The following TMTC2 variants were observed in gnomAD, a reference collection of about 807,000 sequenced individuals.
TMTC2 encodes the protein transmembrane O-mannosyltransferase targeting cadherins 2.
TMTC2 carries 43 observed loss-of-function variants against 82.4 expected under a neutral mutation model. The ratio of observed to expected loss-of-function variants is 0.52; its 90% CI spans 0.41 to 0.67. TMTC2 has a LOEUF of 0.67. Ranked by LOEUF, TMTC2 falls within the 30% of genes least tolerant of loss-of-function variation. TMTC2 has a pLI of 0.00. For synonymous variants in TMTC2, 408 were observed against 381.9 expected (o/e 1.07, Z -0.80); for missense variants, 919 against 1,012.4 (o/e 0.91, Z 1.25).
chr12:82,938,897 T>C (rs973229576), intron 4 of TMTC2, among the ~76,000 whole-genome samples: 1 of 152,206 alleles, frequency 6.6e-6, no homozygotes, highest in African/African-American at 2.4e-5. Flanking sequence ...TACTACGTTT[T>C]TGGTAAGCAT....
chr12:82,855,077 A>G (rs1330412670), intron 1 of TMTC2, among the ~76,000 whole-genome samples: 6 of 152,234 alleles, frequency 3.9e-5, no homozygotes, highest in African/African-American at 1.2e-4. Flanking sequence ...ATGAACAATT[A>G]TACATGTTTA....
At chr12:83,014,662 C>A (rs1166387558) in intron 8 of TMTC2, among the ~76,000 whole-genome samples, 1 of 152,106 alleles carries the variant, frequency 6.6e-6, no homozygotes, top group East Asian at 1.9e-4. Flanking sequence ...ACTAAAATAA[C>A]CATGTACATC....
chr12:83,055,226 G>A (rs1348255975), intron 10 of TMTC2, among the ~76,000 whole-genome samples: 7 of 152,034 alleles, frequency 4.6e-5, no homozygotes, highest in Admixed American at 2.6e-4. Context: ...ACTGAGTCCT[G>A]TGCTAAACGA....
intron 11 of TMTC2, among the ~76,000 whole-genome samples, chr12:83,074,980 C>G (rs985962052): frequency 4.6e-5 from 7 of 152,202 alleles, no homozygotes; most frequent in African/African-American, 1.7e-4. Flanking sequence ...TCTGGCCACC[C>G]TCCTGATGGA....
intron 8 of TMTC2, among the ~76,000 whole-genome samples, chr12:83,004,223 G>GT (rs1238229202): frequency 6.6e-6 from 1 of 152,028 alleles, no homozygotes; most frequent in East Asian, 1.9e-4. Flanking sequence ...AACTTTTCCA[G>GT]TTTTTTGGTT....
chr12:82,980,229 A>T (rs1878857023), intron 7 of TMTC2, among the ~76,000 whole-genome samples: 1 of 151,866 alleles, frequency 6.6e-6, no homozygotes, highest in East Asian at 1.9e-4. Flanking sequence ...TTAGTTCCTA[A>T]GGAACAAATT....
At chr12:83,103,296 GGT>G (rs1884285305) in intron 11 of TMTC2, among the ~76,000 whole-genome samples, 1 of 152,184 alleles carries the variant, frequency 6.6e-6, no homozygotes. Context: ...AGGAATTTCA[GGT>G]GTGTGTTAGG....
intron 8 of TMTC2, among the ~76,000 whole-genome samples, chr12:83,014,813 G>T (rs185608479): frequency 6.6e-6 from 1 of 151,876 alleles, no homozygotes; most frequent in Admixed American, 6.6e-5. Context: ...TTAAGATTTA[G>T]CTACTGCTAT....
At chr12:83,002,027 G>A (rs1796152) in intron 8 of TMTC2, among the ~76,000 whole-genome samples, 116,528 of 152,136 alleles carry the variant, frequency 0.77, 46,175 homozygotes, top group South Asian at 0.93. Flanking sequence ...TTTCTCCTCA[G>A]TTTTTTGGGA....
intron 1 of TMTC2, among the ~76,000 whole-genome samples, chr12:82,844,894 A>G (rs1165758945): frequency 1.3e-5 from 2 of 150,526 alleles, no homozygotes; most frequent in Non-Finnish European, 2.9e-5. Context: ...TATTCATTCC[A>G]TCCCTTGAAG....
At chr12:83,104,297 G>A (rs1016391187) in intron 11 of TMTC2, among the ~76,000 whole-genome samples, 1 of 152,190 alleles carries the variant, frequency 6.6e-6, no homozygotes, top group Non-Finnish European at 1.5e-5. Flanking sequence ...AGTGCCCCGT[G>A]GGGGGTTCTA....
intron 1 of TMTC2, among the ~76,000 whole-genome samples, chr12:82,819,524 G>T (rs1332245820): frequency 7.5e-6 from 1 of 134,148 alleles, no homozygotes. Flanking sequence ...TTTTTGAGAC[G>T]GAGTTTCGCT....
At chr12:83,033,787 A>AAT (rs10536036) in intron 9 of TMTC2, among the ~76,000 whole-genome samples, 228 of 144,318 alleles carry the variant, frequency 1.6e-3, no homozygotes, top group Middle Eastern at 3.6e-3. Flanking sequence ...AAACCATATA[A>AAT]ATATATATAT....
intron 1 of TMTC2, among the ~76,000 whole-genome samples, chr12:82,790,434 T>A (rs1200745690): frequency 6.6e-6 from 1 of 152,108 alleles, no homozygotes; most frequent in Admixed American, 6.6e-5. Context: ...TTTGATAGCA[T>A]TTTTTAAAAA....
At chr12:83,128,334 TG>T (rs1166174466) in intron 11 of TMTC2, among the ~76,000 whole-genome samples, 1 of 152,122 alleles carries the variant, frequency 6.6e-6, no homozygotes, top group Non-Finnish European at 1.5e-5. Flanking sequence ...TATGTGTTCT[TG>T]TTTGGTTATC....
chr12:82,909,913 C>A (rs1278394795), intron 3 of TMTC2, among the ~76,000 whole-genome samples: 1 of 152,118 alleles, frequency 6.6e-6, no homozygotes, highest in Admixed American at 6.6e-5. Context: ...AATTCTCTTT[C>A]AGCAAAAGAA....
chr12:82,689,756 G>A (rs1210745557), intron 1 of TMTC2, among the ~76,000 whole-genome samples: 1 of 152,136 alleles, frequency 6.6e-6, no homozygotes, highest in Non-Finnish European at 1.5e-5. Context: ...TAGTCTAATG[G>A]AGTGTTAAAA....
rs1871297443 is a variant in TMTC2, at chr12:82,857,133, C to T, written c.207C>T (p.Cys69=). Residue 69 remains cysteine, a synonymous_variant, in exon 2 of 12, where the codon TGC becomes TGT. Coordinates refer to ENST00000321196, the MANE Select transcript of TMTC2 (RefSeq NM_152588.3). Reference sequence around the variant, plus strand: ...GCCACAAGTCCTACCGGCCACTCTGCACTCTTTCTTTTCGCCTGAACCATG... The same window carrying T: ...GCCACAAGTCCTACCGGCCACTCTGTACTCTTTCTTTTCGCCTGAACCATG... ...SGSHKSYRPL[C]TLSFRLNHAI... 11 of 1,614,172 alleles carry T rather than the reference C, an allele frequency of 6.8e-6. No individual in the cohort carries two copies. The East Asian group carries it at 2.5e-4, about 36-fold the overall frequency.
chr12:82,897,093 G>T (rs909230131), intron 3 of TMTC2, among the ~76,000 whole-genome samples: 1 of 152,150 alleles, frequency 6.6e-6, no homozygotes, highest in African/African-American at 2.4e-5. Context: ...ACCTTTAAAA[G>T]ATTTGGAGAT....
Sources: allele counts gnomAD v4.1 joint callset (sites outside exome capture counted in the v4.1 genomes callset), GRCh38; gene constraint gnomAD v4.1.1; transcripts MANE v1.5; gene names NCBI Gene and HGNC (gene_info 2026-07-23, HGNC 2026-07-21).